RCBTB2: variants seen among roughly 807,000 people sequenced by gnomAD.
RCBTB2 encodes the protein RCC1 and BTB domain-containing protein 2.
RCBTB2 carries 55 observed loss-of-function variants against 65.4 expected under a neutral mutation model. That is an observed-to-expected ratio of 0.84 (90% confidence interval 0.68 to 1.05). The LOEUF (loss-of-function observed/expected upper bound fraction) is 1.05. RCBTB2 is among the 50% of genes least tolerant of loss of function. The pLI, the probability that RCBTB2 is intolerant of heterozygous loss-of-function variation, is 0.00. For synonymous variants in RCBTB2, 220 were observed against 255.2 expected, an observed-to-expected ratio of 0.86 and a Z score of 1.31; for missense variants, 599 against 680.1, an observed-to-expected ratio of 0.88 and a Z score of 1.33.
Position 48,511,753 on chromosome 13 carries a change from A to G in RCBTB2, c.783+17T>C. 6.2e-7 allele frequency: 1 copy of G among 1,601,462 alleles called. No individual in the cohort carries two copies. ...AAGACTTAAAAATACACGCACACAA[A>G]CTGACAGTGGACGTACCCTCTGGAC... On this transcript the variant is annotated intron_variant, in intron 9 of 14. Transcript: ENST00000344532.
At chr13:48,518,732 G>T (rs1031771032) in intron 4 of RCBTB2, among the ~76,000 whole-genome samples, 1 of 151,814 alleles carries the variant, frequency 6.6e-6, no homozygotes, top group African/African-American at 2.4e-5. Context: ...TCTTCTCTAT[G>T]ACACTTGGTT....
chr13:48,526,280 G>C (rs986245782), intron 1 of RCBTB2, among the ~76,000 whole-genome samples: 1 of 152,116 alleles, frequency 6.6e-6, no homozygotes, highest in Admixed American at 6.6e-5. Context: ...AGGCATGGTG[G>C]CTCACACCTG....
chr13:48,502,723 C>T lies in RCBTB2; in HGVS notation c.1117+1G>A, dbSNP rs372907752. 41 of 1,607,980 alleles carry T rather than the reference C, an allele frequency of 2.5e-5. No homozygotes were observed. The highest frequency in any genetic ancestry group is 2.8e-5 in the Non-Finnish European group (33 of 1,176,154). On this transcript the variant is annotated splice_donor_variant, in intron 11 of 14. Coordinates refer to ENST00000344532, the MANE Select transcript of RCBTB2 (RefSeq NM_001268.4). LOFTEE classifies it high-confidence loss of function. The stretch of plus-strand genomic sequence containing the variant: ...CCCCAAATGGACAGTGACCAGCTTA[C>T]CCACGGAGAGGAGGCGCCACGTGAC...
chr13:48,512,927 TACA>T (rs1353225294), intron 6 of RCBTB2, 32 bp from the exon 7 acceptor site: 1 of 1,565,128 alleles, frequency 6.4e-7, no homozygotes, highest in Non-Finnish European at 8.8e-7. Context: ...ATCAGTTTTT[TACA>T]ACATCTACTT....
At chr13:48,519,772 C>T (rs1420602928) in intron 4 of RCBTB2, among the ~76,000 whole-genome samples, 2 of 152,262 alleles carry the variant, frequency 1.3e-5, no homozygotes, top group South Asian at 2.1e-4. Context: ...AGAAGGCTGG[C>T]TGTTGGAAGT....
chr13:48,493,050 A>G, intron 14 of RCBTB2, among the ~76,000 whole-genome samples: 1 of 152,142 alleles, frequency 6.6e-6, no homozygotes, highest in East Asian at 1.9e-4. Flanking sequence ...TGAGGGACAG[A>G]ACCTCCTCAG....
intron 4 of RCBTB2, among the ~76,000 whole-genome samples, chr13:48,518,472 A>AAAAAATATAT (rs1491137365): frequency 1.5e-4 from 17 of 116,582 alleles, no homozygotes; most frequent in African/African-American, 4.9e-4. Flanking sequence ...AAAAAAAAAA[A>AAAAAATATAT]ATATATATAT....
intron 14 of RCBTB2, 142 bp downstream of exon 14, chr13:48,496,049 T>C (rs1949951822): frequency 1.5e-6 from 1 of 648,336 alleles, no homozygotes; most frequent in Non-Finnish European, 2.2e-6. Flanking sequence ...GCTTATACGT[T>C]GTCTAGTACT....
chr13:48,526,796 G>A (rs1356200833), intron 1 of RCBTB2, among the ~76,000 whole-genome samples: 2 of 151,856 alleles, frequency 1.3e-5, no homozygotes, highest in Non-Finnish European at 2.9e-5. Context: ...TGTACCTGTA[G>A]TCCCAGCTAC....
At chr13:48,532,787 G>T (rs938629545) in intron 1 of RCBTB2, 6 of 315,204 alleles carry the variant, frequency 1.9e-5, no homozygotes, top group Non-Finnish European at 3.1e-5. Context: ...CTGCGGCCTG[G>T]GCTGGGTGTA....
intron 10 of RCBTB2, among the ~76,000 whole-genome samples, chr13:48,509,573 C>T (rs1950676935): frequency 2.0e-5 from 3 of 152,116 alleles, no homozygotes; most frequent in Admixed American, 1.3e-4. Flanking sequence ...ATTATTGTCC[C>T]TCCTCCCAAT....
In RCBTB2 at chr13:48,502,066, T is replaced by A. The variant is rs140053479; in HGVS notation, c.1118-198A>T. On this transcript the variant is annotated intron_variant, in intron 11 of 14. Transcript: ENST00000344532. ...TAAGAATAAGAATCTCACAAATATC[T>A]GCTTATAAATCTGGCAAAATAACAA... Among the ~76,000 whole-genome samples, 265 of 152,336 alleles carry A rather than the reference T, an allele frequency of 1.7e-3. 1 individual carries two copies. The highest frequency in any genetic ancestry group is 6.2e-3 in the African/African-American group (258 of 41,568).
intron 1 of RCBTB2, among the ~76,000 whole-genome samples, chr13:48,527,343 TATATATATGATATATATTTATATATG>T (rs1566337095): frequency 8.0e-6 from 1 of 125,392 alleles, no homozygotes; most frequent in African/African-American, 4.8e-5. Context: ...ATATGATATA[TATATATATGATATATATTTATATATG>T]ATATATATAT....
intron 10 of RCBTB2, among the ~76,000 whole-genome samples, chr13:48,509,637 T>C (rs1294106009): frequency 1.3e-5 from 2 of 152,190 alleles, no homozygotes; most frequent in African/African-American, 4.8e-5. Context: ...AAAAGTTTTA[T>C]TTAACCTATA....
At chr13:48,517,769 CCA>C (rs1289249170) in intron 4 of RCBTB2, among the ~76,000 whole-genome samples, 16 of 152,074 alleles carry the variant, frequency 1.1e-4, no homozygotes, top group Admixed American at 1.0e-3. Flanking sequence ...CGAAGAAACC[CCA>C]GAGAGGAGCT....
intron 1 of RCBTB2, 60 bp downstream of exon 1, chr13:48,532,968 C>G: frequency 6.6e-6 from 3 of 455,542 alleles, no homozygotes; most frequent in Non-Finnish European, 1.3e-5. Context: ...TACCTGACAG[C>G]ATCCCACGTC....
At position 48,496,224 on chromosome 13, in the gene RCBTB2, A is replaced by G. The variant is rs1457049915; in HGVS notation, c.1482T>C (p.Ala494=). 2 of 1,582,718 alleles carry G rather than the reference A, an allele frequency of 1.3e-6. No homozygotes were observed. The highest frequency in any genetic ancestry group is 1.8e-5 in the Admixed American group (1 of 54,850). Residue 494 remains alanine, a synonymous_variant, in exon 14 of 15, where the codon GCT becomes GCC. Coordinates refer to ENST00000344532, the MANE Select transcript of RCBTB2 (RefSeq NM_001268.4). ...CATACTTCACCGCAGCCGAGAGCAG[A>G]GCGATGGCATTCTCCTCGCAGATGC... ...KQGICEENAI[A]LLSAAVKYDA...
At chr13:48,492,751 T>C (rs1341417257) in intron 14 of RCBTB2, among the ~76,000 whole-genome samples, 1 of 152,208 alleles carries the variant, frequency 6.6e-6, no homozygotes, top group African/African-American at 2.4e-5. Context: ...TCACTCCTCT[T>C]CAGTCTCCTT....
intron 13 of RCBTB2, among the ~76,000 whole-genome samples, chr13:48,496,827 AGGGGAGAGGAGGAGAG>A (rs1436618650): frequency 1.4e-4 from 7 of 49,120 alleles, no homozygotes; most frequent in African/African-American, 4.5e-4. Context: ...AGAGGAGGGG[AGGGGAGAGGAGGAGAG>A]GGGAGAGGAG....
Sources: gnomAD v4.1 joint callset for allele counts (sites outside exome capture counted in the v4.1 genomes callset) on GRCh38, gnomAD v4.1.1 for gene constraint, MANE v1.5 for transcripts, NCBI Gene and HGNC (gene_info 2026-07-23, HGNC 2026-07-21) for gene names.